Variants in CACNA2D4 observed in about 807,000 individuals in gnomAD.
The protein encoded by CACNA2D4 is voltage-dependent calcium channel subunit alpha-2/delta-4.
In CACNA2D4, 157 loss-of-function variants were observed where a neutral mutation model predicts 163.8. The ratio of observed to expected loss-of-function variants is 0.96; its 90% confidence interval spans 0.84 to 1.09. The LOEUF (loss-of-function observed/expected upper bound fraction) is 1.09, where lower values mean the gene tolerates loss of function less well. Among genes scored for constraint, CACNA2D4 ranks in the 50% least tolerant of loss-of-function variants. The probability of loss-of-function intolerance (pLI) is 0.00; values close to 1 mark genes in which losing one functional copy is unlikely to be tolerated. For missense variants in CACNA2D4, 1,410 were observed against 1,479.9 expected (o/e 0.95, Z 0.78); for synonymous variants, 598 against 586.9 (o/e 1.02, Z -0.27).
At chr12:1,895,393 GA>G (rs140057777) in intron 6 of CACNA2D4, among the ~76,000 whole-genome samples, 7,081 of 151,556 alleles carry the variant, frequency 0.047, 421 homozygotes, top group African/African-American at 0.14. Flanking sequence ...ATATGGAATG[GA>G]AAAAAAAGTC....
Position 1,886,268 on chromosome 12 carries a change from G to T in CACNA2D4, c.948C>A (p.Thr316=), listed in dbSNP as rs1306882503. 6.2e-7 allele frequency: 1 copy of T among 1,613,452 alleles called. No homozygotes were observed. The highest frequency in any genetic ancestry group is 8.5e-7 in the Non-Finnish European group (1 of 1,179,514). ...RMTIAKHTIT[T]ILDTLGENDF... ...CATTCTCCCCCAGGGTGTCCAAGAT[G>T]GTGGTGATGGTGTGCTTGGCAATAG... The change falls in exon 8 of 38, where the codon ACC becomes ACA. Residue 316 remains threonine (T), a synonymous_variant. Coordinates refer to ENST00000382722, the MANE Select transcript of CACNA2D4 (RefSeq NM_172364.5).
intron 26 of CACNA2D4, chr12:1,830,846 C>G (rs1196517602): frequency 1.8e-6 from 2 of 1,086,688 alleles, no homozygotes; most frequent in Non-Finnish European, 2.6e-6. Flanking sequence ...AAGCCAAGAG[C>G]CTGTTATGAG....
In CACNA2D4 at chr12:1,820,382, G is replaced by A. The variant is rs1592673038; in HGVS notation, c.2552-8659C>T. ...ACTGAAATGTGAGCGTGGCCAGGGT[G>A]AGCGCTGCCCTCGCGGCCGGCCGTG... On this transcript the variant is annotated intron_variant, in intron 26 of 37. Coordinates refer to ENST00000382722, the MANE Select transcript of CACNA2D4 (RefSeq NM_172364.5). This position sits in a 1 kb window ranked among gnomAD's most constrained non-coding sequence, Gnocchi z 6.0. 6.6e-6 allele frequency: 1 copy of A among 152,386 alleles called. No individual in the cohort carries two copies. Among genetic ancestry groups the A allele is most frequent in the South Asian group, 2.1e-4 (1 of 4,832 alleles). 9.4% of individuals were successfully genotyped at this position (152,386 alleles called of 1,614,324 possible). A position where few individuals can be genotyped will look rare whatever the true frequency, so the allele number is the denominator to read the frequency against.
At chr12:1,881,109 G>T (rs764319429) in intron 13 of CACNA2D4, among the ~76,000 whole-genome samples, 1 of 152,326 alleles carries the variant, frequency 6.6e-6, no homozygotes, top group Non-Finnish European at 1.5e-5. Context: ...TAACTTCAGG[G>T]ACTCCTAAGT....
Position 1,828,355 on chromosome 12 carries a change from T to G in CACNA2D4, c.2551+12384A>C. 1.4e-6 allele frequency: 1 copy of G among 721,002 alleles called. No individual in the cohort carries two copies. 44.7% of individuals were successfully genotyped at this position (721,002 alleles called of 1,614,324 possible). On this transcript the variant is annotated intron_variant, in intron 26 of 37. Transcript: ENST00000382722. This position sits in a 1 kb window ranked among gnomAD's most constrained non-coding sequence, Gnocchi z 4.2. Reference sequence around the variant, plus strand: ...CAGATCTTCCTGGGGTACCCGAGGCTATGTTCTGGGAAGCCAGGGTCACGC... The same window carrying G: ...CAGATCTTCCTGGGGTACCCGAGGCGATGTTCTGGGAAGCCAGGGTCACGC...
At chr12:1,808,385 C>T (rs191006683) in intron 29 of CACNA2D4, among the ~76,000 whole-genome samples, 7 of 152,218 alleles carry the variant, frequency 4.6e-5, no homozygotes, top group Admixed American at 2.0e-4. Context: ...AGATTGATAA[C>T]ATCTCATGAC....
rs377191684 is a variant in CACNA2D4 at position 1,878,964 on chromosome 12, G to A, written c.1636C>T (p.Arg546Trp). The change falls in exon 15 of 38, where the codon CGG (arginine) becomes TGG (tryptophan). Residue 546 changes from arginine to tryptophan, a missense_variant. Arg to Trp is a moderately radical substitution (Grantham distance 101, BLOSUM62 -3). Transcript: ENST00000382722. The surrounding 1 kb of genome is among the most constrained non-coding windows in gnomAD (Gnocchi z 4.6). ...AACAGACCCAGGCTCACCTTGTACC[G>A]GGGCGCCAGCTTCATCAGCTCTCTC... Reference protein sequence around the residue: ...ALRELMKLAPRYKLGVHGYAF... With the variant: ...ALRELMKLAPWYKLGVHGYAF... 31 of 1,613,404 alleles carry A rather than the reference G, an allele frequency of 1.9e-5. No homozygotes were observed. The highest frequency in any genetic ancestry group is 1.5e-4 in the African/African-American group (11 of 74,896).
chr12:1,886,953 C>T (rs1242209439), intron 7 of CACNA2D4, 56 bp downstream of exon 7: 2 of 1,369,024 alleles, frequency 1.5e-6, no homozygotes, highest in Non-Finnish European at 2.0e-6. Context: ...GAGGCAAAAC[C>T]CAAAAGCTAT....
chr12:1,896,880 A>G (rs1168985990), intron 6 of CACNA2D4, among the ~76,000 whole-genome samples: 1 of 152,232 alleles, frequency 6.6e-6, no homozygotes, highest in Non-Finnish European at 1.5e-5. Flanking sequence ...TCACAATAGC[A>G]AAGATACAAA....
Position 1,908,081 on chromosome 12 carries a change from G to T in CACNA2D4, c.487-44C>A, listed in dbSNP as rs566516053. 11 of 1,571,944 alleles carry T rather than the reference G, an allele frequency of 7.0e-6. No homozygotes were observed. In the South Asian group the frequency reaches 1.3e-4, roughly 18 times the overall value. On this transcript the variant is annotated intron_variant, in intron 4 of 37. Coordinates refer to ENST00000382722, the MANE Select transcript of CACNA2D4 (RefSeq NM_172364.5). ...GCCCACGGAGGCGGCCCGAGCACCG[G>T]GACAGGCGGAGAGAGAGGAAGAGAA... is the stretch of plus-strand genomic sequence containing the variant.
chr12:1,891,166 C>T (rs140139564), intron 6 of CACNA2D4, among the ~76,000 whole-genome samples: 149 of 152,296 alleles, frequency 9.8e-4, no homozygotes, highest in African/African-American at 3.5e-3. Flanking sequence ...CCAGTGTACA[C>T]CTCCCTGGGA....
intron 9 of CACNA2D4, 104 bp downstream of exon 9, chr12:1,885,861 T>C (rs1020898986): frequency 4.8e-5 from 39 of 813,732 alleles, no homozygotes; most frequent in Non-Finnish European, 7.1e-5. Context: ...CCAGGTGCCA[T>C]GGGAATAAGC....
At chr12:1,801,236 A>G in intron 30 of CACNA2D4, 118 bp from the exon 31 acceptor site, 1 of 793,600 alleles carries the variant, frequency 1.3e-6, no homozygotes. Context: ...CGCCTGAGCT[A>G]GGACAGCAGA....
intron 26 of CACNA2D4, among the ~76,000 whole-genome samples, chr12:1,817,852 C>T (rs533979662): frequency 5.9e-5 from 9 of 151,984 alleles, no homozygotes; most frequent in Admixed American, 6.5e-5. Context: ...ACCTCCCAGC[C>T]GCCTGCCTTG....
In CACNA2D4 at chr12:1,799,098, G is replaced by C. The variant is rs1863224585; in HGVS notation, c.2995+577C>G. 1.3e-5 allele frequency among the ~76,000 whole-genome samples: 2 copies of C among 152,224 alleles called. No homozygotes were observed. The highest frequency in any genetic ancestry group is 3.9e-4 in the East Asian group (2 of 5,180). On this transcript the variant is annotated intron_variant, in intron 34 of 37. Coordinates refer to ENST00000382722, the MANE Select transcript of CACNA2D4 (RefSeq NM_172364.5). The surrounding 1 kb of genome is among the most constrained non-coding windows in gnomAD (Gnocchi z 4.7). The stretch of plus-strand genomic sequence containing the variant: ...GAGGAACTGAGCAGAGCCCGCTGAG[G>C]CAAGATGGCCTCCTGCAGTCATGGA...
intron 6 of CACNA2D4, among the ~76,000 whole-genome samples, chr12:1,899,930 A>G (rs993616242): frequency 6.6e-6 from 1 of 152,188 alleles, no homozygotes; most frequent in African/African-American, 2.4e-5. Flanking sequence ...ACTATAATCA[A>G]GTTAGGTTTC....
chr12:1,861,195 G>A (rs1031143145), intron 18 of CACNA2D4, among the ~76,000 whole-genome samples: 5 of 152,200 alleles, frequency 3.3e-5, no homozygotes, highest in Non-Finnish European at 7.3e-5. Flanking sequence ...GAGAGAGGAC[G>A]GCAACAAAAG....
chr12:1,823,305 A>T (rs1254766857), intron 26 of CACNA2D4: 1 of 152,276 alleles, frequency 6.6e-6, no homozygotes, highest in Non-Finnish European at 1.5e-5. Context: ...TTCTAGCTAG[A>T]GTCTGAGACT....
rs183869472 is a variant in CACNA2D4 at position 1,917,747 on chromosome 12, T to A, written c.227+500A>T. On this transcript the variant is annotated intron_variant, in intron 1 of 37. Coordinates refer to ENST00000382722, the MANE Select transcript of CACNA2D4 (RefSeq NM_172364.5). This position sits in a 1 kb window ranked among gnomAD's most constrained non-coding sequence, Gnocchi z 4.3. ...GACTGCGGCCACCAAAATCCATTTT[T>A]TTCCCCAGTTCCTGGACAAGCCACC... 6.6e-6 allele frequency among the ~76,000 whole-genome samples: 1 copy of A among 152,198 alleles called. No homozygotes were observed. The highest frequency in any genetic ancestry group is 1.5e-5 in the Non-Finnish European group (1 of 68,036).
Sources: gnomAD v4.1 joint callset for allele counts (sites outside exome capture counted in the v4.1 genomes callset) on GRCh38, gnomAD v4.1.1 for gene constraint, Gnocchi (gnomAD v3.1) non-coding constraint, MANE v1.5 for transcripts, NCBI Gene and HGNC (gene_info 2026-07-23, HGNC 2026-07-21) for gene names.